The following GRIK2 variants were observed in gnomAD, a reference collection of about 807,000 sequenced individuals.
GRIK2 encodes glutamate receptor ionotropic, kainate 2.
In GRIK2, 32 loss-of-function variants were observed where a neutral mutation model predicts 100.3. That is an observed-to-expected ratio of 0.32 (90% confidence interval 0.24 to 0.43). The LOEUF (loss-of-function observed/expected upper bound fraction) is 0.43. Ranked by LOEUF, GRIK2 falls within the 20% of genes least tolerant of loss-of-function variation. GRIK2 has a pLI of 1.00. For missense variants in GRIK2, 843 were observed against 1,114.9 expected, an observed-to-expected ratio of 0.76 and a Z score of 3.47; for synonymous variants, 417 against 389.4, an observed-to-expected ratio of 1.07 and a Z score of -0.83.
At chr6:101,640,651 T>C (rs1184880842) in intron 4 of GRIK2, among the ~76,000 whole-genome samples, 2 of 152,180 alleles carry the variant, frequency 1.3e-5, no homozygotes, top group African/African-American at 4.8e-5. Flanking sequence ...AATTTCCATG[T>C]GTATTAAAAA....
At position 101,662,888 on chromosome 6, in the gene GRIK2, C is replaced by T. The variant is rs183772793; in HGVS notation, c.542-13735C>T. Among the ~76,000 whole-genome samples, 123 of 152,152 alleles carry T rather than the reference C, an allele frequency of 8.1e-4. 1 individual carries two copies. Among genetic ancestry groups the T allele is most frequent in the Admixed American group, 8.0e-3 (122 of 15,278 alleles). ...ACTTCTGTATTCTCAATTCAAAATA[C>T]ACAATATGTGCTGTCATGTATTCCT... On this transcript the variant is annotated intron_variant, in intron 4 of 16. Coordinates refer to ENST00000369134, the MANE Select transcript of GRIK2 (RefSeq NM_021956.5).
At chr6:101,660,122 T>C (rs1192401377) in intron 4 of GRIK2, among the ~76,000 whole-genome samples, 1 of 152,186 alleles carries the variant, frequency 6.6e-6, no homozygotes, top group Admixed American at 6.5e-5. Flanking sequence ...CAAACATAAG[T>C]TTGGTTTTCT....
At chr6:101,639,875 A>G (rs1013249619) in intron 4 of GRIK2, among the ~76,000 whole-genome samples, 2 of 152,188 alleles carry the variant, frequency 1.3e-5, no homozygotes, top group East Asian at 1.9e-4. Context: ...TCAAAAAGGA[A>G]CCAAACAAAT....
intron 2 of GRIK2, among the ~76,000 whole-genome samples, chr6:101,593,883 G>A (rs1778790233): frequency 6.6e-6 from 1 of 151,754 alleles, no homozygotes. Context: ...CAGATAGATT[G>A]CGCTATAAGT....
chr6:101,747,427 T>C (rs1583065765), intron 7 of GRIK2, among the ~76,000 whole-genome samples: 1 of 152,162 alleles, frequency 6.6e-6, no homozygotes, highest in Non-Finnish European at 1.5e-5. Flanking sequence ...TGTTTGGCCA[T>C]GTCAAGTCTA....
At chr6:101,655,886 G>A (rs1782035089) in intron 4 of GRIK2, among the ~76,000 whole-genome samples, 2 of 152,180 alleles carry the variant, frequency 1.3e-5, no homozygotes, top group South Asian at 2.1e-4. Context: ...GCTGTGGTAT[G>A]CATCAGCTTA....
chr6:101,794,947 C>G (rs974811091), intron 7 of GRIK2, among the ~76,000 whole-genome samples: 4 of 151,052 alleles, frequency 2.6e-5, no homozygotes, highest in African/African-American at 7.3e-5. Context: ...CTGACTGCAA[C>G]TTCTGCCTCC....
intron 2 of GRIK2, among the ~76,000 whole-genome samples, chr6:101,594,827 AGGGCGGT>A: frequency 1.3e-5 from 2 of 151,924 alleles, no homozygotes; most frequent in East Asian, 3.9e-4. Flanking sequence ...GAAGGCAGAT[AGGGCGGT>A]GAATTACAGG....
chr6:101,961,295 C>T (rs897960907), intron 14 of GRIK2, among the ~76,000 whole-genome samples: 1 of 152,136 alleles, frequency 6.6e-6, no homozygotes, highest in Non-Finnish European at 1.5e-5. Flanking sequence ...CTTTGTGGCT[C>T]ACTCACCTGT....
chr6:101,869,316 GT>G (rs1298374101), intron 11 of GRIK2, among the ~76,000 whole-genome samples: 2 of 152,008 alleles, frequency 1.3e-5, no homozygotes, highest in African/African-American at 4.8e-5. Flanking sequence ...AATAGATCTA[GT>G]TTTCTCAATT....
intron 7 of GRIK2, among the ~76,000 whole-genome samples, chr6:101,715,836 T>C (rs1216051975): frequency 6.6e-6 from 1 of 151,838 alleles, no homozygotes; most frequent in Admixed American, 6.6e-5. Context: ...ATAAACCTGC[T>C]TCGTATTCTA....
At chr6:101,600,440 T>C (rs1019165338) in intron 2 of GRIK2, among the ~76,000 whole-genome samples, 4 of 151,846 alleles carry the variant, frequency 2.6e-5, no homozygotes, top group Non-Finnish European at 5.9e-5. Flanking sequence ...TGTAAAAAAA[T>C]GGCATTGGTA....
rs143509966 is a variant in GRIK2 at position 102,037,726 on chromosome 6, C to A, written c.2311+2160C>A. Among the ~76,000 whole-genome samples, 133 of 151,292 alleles carry A rather than the reference C, an allele frequency of 8.8e-4. 1 individual carries two copies. The East Asian group carries it at 0.019, about 22-fold the overall frequency. ...AATGTGTTAAATTATACCTTTATCGCCAGTAAGGCTTTGGTTTATTGCCCT... is the reference window on the plus strand; with the variant it reads ...AATGTGTTAAATTATACCTTTATCGACAGTAAGGCTTTGGTTTATTGCCCT... On this transcript the variant is annotated intron_variant, in intron 15 of 16. Transcript: ENST00000369134.
chr6:101,828,191 A>C (rs1414483240), intron 10 of GRIK2, among the ~76,000 whole-genome samples: 4 of 151,952 alleles, frequency 2.6e-5, no homozygotes, highest in Non-Finnish European at 5.9e-5. Context: ...TTGTGCAAAC[A>C]ATGAAATTAA....
chr6:101,493,324 G>A (rs2579943), intron 2 of GRIK2, among the ~76,000 whole-genome samples: 91,233 of 151,462 alleles, frequency 0.6, 28,507 homozygotes, highest in African/African-American at 0.77. Flanking sequence ...GAAACTGCAC[G>A]GTATCAAGAA....
At chr6:101,657,935 A>G (rs1377245684) in intron 4 of GRIK2, among the ~76,000 whole-genome samples, 1 of 152,150 alleles carries the variant, frequency 6.6e-6, no homozygotes, top group East Asian at 1.9e-4. Context: ...TTATGCTGAT[A>G]GAGGCTAAAA....
intron 11 of GRIK2, among the ~76,000 whole-genome samples, chr6:101,876,043 C>T (rs946772433): frequency 1.3e-5 from 2 of 150,628 alleles, no homozygotes; most frequent in African/African-American, 4.9e-5. Context: ...AAAGATCTCT[C>T]ATCTTGGGAT....
intron 7 of GRIK2, among the ~76,000 whole-genome samples, chr6:101,708,940 G>C (rs1381825085): frequency 6.6e-6 from 1 of 151,540 alleles, no homozygotes; most frequent in Non-Finnish European, 1.5e-5. Context: ...ATTAGGGTCG[G>C]CCCTAATCCA....
At chr6:102,030,496 G>T (rs550697917) in intron 14 of GRIK2, among the ~76,000 whole-genome samples, 1 of 150,840 alleles carries the variant, frequency 6.6e-6, no homozygotes, top group African/African-American at 2.4e-5. Flanking sequence ...ACTTCTAAGA[G>T]CTTCACTCCC....
Sources: allele counts gnomAD v4.1 joint callset (sites outside exome capture counted in the v4.1 genomes callset), GRCh38; gene constraint gnomAD v4.1.1; transcripts MANE v1.5; gene names NCBI Gene and HGNC (gene_info 2026-07-23, HGNC 2026-07-21).